EFHD1: variants seen among roughly 807,000 people sequenced by gnomAD.
The protein encoded by EFHD1 is EF-hand domain family member D1, also known as EF-hand domain-containing protein D1.
EFHD1 carries 10 observed loss-of-function variants against 17.2 expected under a neutral mutation model. That is an observed-to-expected ratio of 0.58 (90% CI 0.36 to 0.99). EFHD1 has a LOEUF of 0.99. EFHD1 is among the 50% of genes least tolerant of loss of function. EFHD1 has a pLI of 0.01. For missense variants in EFHD1, 310 were observed against 327.5 expected (o/e 0.95, Z 0.41); for synonymous variants, 153 against 142.0 (o/e 1.08, Z -0.55).
chr2:232,638,330 A>T, intron 1 of EFHD1: 1 of 471,082 alleles, frequency 2.1e-6, no homozygotes, highest in Non-Finnish European at 4.4e-6. Context: ...GCATACTAAA[A>T]GCTTGTGTTT....
At chr2:232,632,549 CTT>C (rs1334157665), upstream of EFHD1, among the ~76,000 whole-genome samples, 3 of 152,224 alleles carry the variant, frequency 2.0e-5, no homozygotes, top group Non-Finnish European at 4.4e-5. Flanking sequence ...TTTTTACCCT[CTT>C]GTTAAAAATG....
intron 2 of EFHD1, among the ~76,000 whole-genome samples, chr2:232,670,512 A>C (rs1695046206): frequency 6.6e-6 from 1 of 152,204 alleles, no homozygotes; most frequent in African/African-American, 2.4e-5. Flanking sequence ...TAATTAATTC[A>C]GGTCACATTT....
chr2:232,665,010 C>T (rs532257131), intron 2 of EFHD1, among the ~76,000 whole-genome samples: 35 of 152,086 alleles, frequency 2.3e-4, no homozygotes, highest in Non-Finnish European at 4.9e-4. Flanking sequence ...CTCCCAGGCT[C>T]AAGTGATCCC....
intron 1 of EFHD1, among the ~76,000 whole-genome samples, chr2:232,627,417 T>C (rs1488238512): frequency 6.6e-6 from 1 of 152,152 alleles, no homozygotes; most frequent in Non-Finnish European, 1.5e-5. Context: ...TACTTTCAGT[T>C]TCCACATTGC....
intron 1 of EFHD1, among the ~76,000 whole-genome samples, chr2:232,643,115 C>T (rs1694462651): frequency 2.0e-5 from 3 of 151,252 alleles, no homozygotes; most frequent in Admixed American, 2.0e-4. Flanking sequence ...ACATCAGCTG[C>T]GACAAAATCC....
chr2:232,651,168 G>T (rs1430348332), intron 1 of EFHD1, among the ~76,000 whole-genome samples: 1 of 152,164 alleles, frequency 6.6e-6, no homozygotes, highest in African/African-American at 2.4e-5. Flanking sequence ...CCTCCCTCCT[G>T]GATTGAGGTT....
At chr2:232,641,856 G>C (rs1252067634) in intron 1 of EFHD1, among the ~76,000 whole-genome samples, 2 of 152,206 alleles carry the variant, frequency 1.3e-5, no homozygotes, top group Admixed American at 1.3e-4. Context: ...CCCCAGTTGG[G>C]TAGGCAGCAT....
At chr2:232,635,641 A>C (rs1365464122) in intron 1 of EFHD1, among the ~76,000 whole-genome samples, 1 of 152,154 alleles carries the variant, frequency 6.6e-6, no homozygotes, top group African/African-American at 2.4e-5. Context: ...CAACATGGTG[A>C]AACCCCATCT....
chr2:232,614,057 T>TATAC (rs1553594267), intron 1 of EFHD1, among the ~76,000 whole-genome samples: 51 of 150,000 alleles, frequency 3.4e-4, no homozygotes, highest in East Asian at 1.4e-3. Flanking sequence ...CACACATACA[T>TATAC]ACACATGCAC....
At chr2:232,620,371 A>C (rs1379602703) in intron 1 of EFHD1, among the ~76,000 whole-genome samples, 1 of 150,798 alleles carries the variant, frequency 6.6e-6, no homozygotes, top group Non-Finnish European at 1.5e-5. Context: ...CTGGGCGACA[A>C]AACGAGACTC....
chr2:232,637,642 C>G (rs550137797), intron 1 of EFHD1, among the ~76,000 whole-genome samples: 6 of 152,112 alleles, frequency 3.9e-5, no homozygotes. Flanking sequence ...CCGCGCCTGG[C>G]TTAAGAATTT....
At chr2:232,651,601 G>A (rs1694655159) in intron 1 of EFHD1, among the ~76,000 whole-genome samples, 1 of 152,202 alleles carries the variant, frequency 6.6e-6, no homozygotes, top group Non-Finnish European at 1.5e-5. Context: ...CCTGTGTGAT[G>A]AGCACATTGA....
chr2:232,635,014 T>A, intron 1 of EFHD1, among the ~76,000 whole-genome samples: 1 of 151,844 alleles, frequency 6.6e-6, no homozygotes, highest in Admixed American at 6.5e-5. Context: ...CGCCTGAGCC[T>A]CCGCTGCCCC....
rs773778245 is a variant in EFHD1, at chr2:232,681,587, C to G, written c.588C>G (p.Val196=). Reference sequence around the variant, plus strand: ...CTATGTCTGCTATTTCTCTGCAGGTCCAAGCCTTGTCATCGGCCAGTAAGT... The same window carrying G: ...CTATGTCTGCTATTTCTCTGCAGGTGCAAGCCTTGTCATCGGCCAGTAAGT... ...KGAKNFFEAK[V]QALSSASKFE... is the part of the protein sequence containing the mutation. Residue 196 remains valine (V), a splice_region_variant and synonymous_variant, in exon 4 of 4, where the codon GTC becomes GTG. Transcript: ENST00000264059. 1.2e-5 allele frequency: 19 copies of G among 1,613,842 alleles called. No homozygotes were observed. The Admixed American group carries it at 2.7e-4, about 23-fold the overall frequency.
intron 1 of EFHD1, among the ~76,000 whole-genome samples, chr2:232,612,887 C>G (rs1693835084): frequency 6.6e-6 from 1 of 151,768 alleles, no homozygotes; most frequent in Admixed American, 6.6e-5. Context: ...GATACACCAC[C>G]ACGTCCAGCT....
At chr2:232,636,080 C>T (rs769192499) in intron 1 of EFHD1, among the ~76,000 whole-genome samples, 4 of 152,186 alleles carry the variant, frequency 2.6e-5, no homozygotes, top group Non-Finnish European at 4.4e-5. Context: ...TTCCTCTCTG[C>T]GTTGTCCCCG....
chr2:232,656,113 G>A (rs1344840073), intron 1 of EFHD1, among the ~76,000 whole-genome samples: 1 of 152,020 alleles, frequency 6.6e-6, no homozygotes, highest in Non-Finnish European at 1.5e-5. Context: ...GCCTGTGTGG[G>A]GTCTTAAGTC....
chr2:232,633,655 C>T lies in EFHD1; in HGVS notation c.-50C>T, dbSNP rs1316686913. 2 of 1,379,020 alleles carry T rather than the reference C, an allele frequency of 1.5e-6. No homozygotes were observed. The highest frequency in any genetic ancestry group is 3.8e-5 in the Admixed American group (1 of 26,194). The allele number at this position is 1,379,020 out of a possible 1,614,324, so 85.4% of individuals were successfully genotyped here. The stretch of plus-strand genomic sequence containing the variant: ...GAGGAGCGCGCCGCCCGCCAGCTCC[C>T]TGCGTCCCGTCCCGCGTCCCCGCGT... On this transcript the variant is annotated 5_prime_UTR_variant, in exon 1 of 4. Coordinates refer to ENST00000264059, the MANE Select transcript of EFHD1 (RefSeq NM_025202.4).
chr2:232,628,769 T>C (rs1407022260), upstream of EFHD1, among the ~76,000 whole-genome samples: 1 of 152,132 alleles, frequency 6.6e-6, no homozygotes, highest in Non-Finnish European at 1.5e-5. Flanking sequence ...CCACAATTTC[T>C]CCCTGGAGAG....
Sources: gnomAD v4.1 joint callset for allele counts (sites outside exome capture counted in the v4.1 genomes callset) on GRCh38, gnomAD v4.1.1 for gene constraint, MANE v1.5 for transcripts, NCBI Gene and HGNC (gene_info 2026-07-23, HGNC 2026-07-21) for gene names.